The following ASPH variants were observed in gnomAD, a reference collection of about 807,000 sequenced individuals.
The protein encoded by ASPH is aspartate beta-hydroxylase.
ASPH carries 100 observed loss-of-function variants against 118.4 expected under a neutral mutation model. That is an observed-to-expected ratio of 0.84 (90% CI 0.72 to 1.00). ASPH has a LOEUF of 1.00. ASPH is among the 50% of genes least tolerant of loss of function. ASPH has a pLI of 0.00. For missense variants in ASPH, 920 were observed against 919.5 expected (o/e 1.00, Z -0.01); for synonymous variants, 315 against 325.6 (o/e 0.97, Z 0.35).
At chr8:61,540,724 G>A (rs1240456364) in intron 21 of ASPH, among the ~76,000 whole-genome samples, 1 of 152,162 alleles carries the variant, frequency 6.6e-6, no homozygotes, top group African/African-American at 2.4e-5. Flanking sequence ...ATTTTACTGA[G>A]CACTGTCCCC....
chr8:61,701,487 C>A (rs571269617), intron 1 of ASPH, among the ~76,000 whole-genome samples: 1 of 152,182 alleles, frequency 6.6e-6, no homozygotes, highest in Non-Finnish European at 1.5e-5. Flanking sequence ...AAAATAAATA[C>A]AAGGGGCTTA....
chr8:61,542,821 T>C (rs1442002925), intron 21 of ASPH, among the ~76,000 whole-genome samples: 1 of 152,130 alleles, frequency 6.6e-6, no homozygotes, highest in Non-Finnish European at 1.5e-5. Flanking sequence ...TTTTTATATA[T>C]CTGGAAATGT....
At chr8:61,523,187 C>T (rs951218383) in intron 22 of ASPH, among the ~76,000 whole-genome samples, 2 of 152,108 alleles carry the variant, frequency 1.3e-5, no homozygotes, top group Non-Finnish European at 1.5e-5. Context: ...CTATGACGTC[C>T]GCCCCTGTCC....
At chr8:61,550,078 T>C (rs2130964626) in intron 20 of ASPH, among the ~76,000 whole-genome samples, 1 of 152,260 alleles carries the variant, frequency 6.6e-6, no homozygotes, top group African/African-American at 2.4e-5. Context: ...AGAAACAAAA[T>C]TGTGAAAGTG....
Position 61,500,845 on chromosome 8 carries a change from G to GAGTT in ASPH, c.*2510_*2513dup, listed in dbSNP as rs148048456. On this transcript the variant is annotated 3_prime_UTR_variant, in exon 25 of 25. Coordinates refer to ENST00000379454, the MANE Select transcript of ASPH (RefSeq NM_004318.4). ...TTTACATTATTTTAAATATTTGGGA[G>GAGTT]AGTTAATTTGTTAGCTAAATAATTC... 280 of 152,264 alleles carry GAGTT rather than the reference G, an allele frequency of 1.8e-3. 3 individuals carry two copies. The highest frequency in any genetic ancestry group is 6.8e-3 in the Middle Eastern group (2 of 294). The allele number at this position is 152,264 out of a possible 1,614,324, so 9.4% of individuals were successfully genotyped here. A position where few individuals can be genotyped will look rare whatever the true frequency, so the allele number is the denominator to read the frequency against.
chr8:61,711,481 GA>G (rs1351696189), intron 1 of ASPH, among the ~76,000 whole-genome samples: 1 of 151,366 alleles, frequency 6.6e-6, no homozygotes, highest in East Asian at 1.9e-4. Flanking sequence ...GAGTAAAACT[GA>G]AAAAAAAGTA....
intron 3 of ASPH, chr8:61,656,858 A>C (rs1342331317): frequency 6.6e-6 from 1 of 152,206 alleles, no homozygotes; most frequent in South Asian, 2.1e-4. Flanking sequence ...GGATTAGCTT[A>C]CTTTATTCAC....
At chr8:61,620,772 C>T (rs1850636480) in intron 13 of ASPH, among the ~76,000 whole-genome samples, 1 of 152,202 alleles carries the variant, frequency 6.6e-6, no homozygotes, top group African/African-American at 2.4e-5. Context: ...CCAGTCATTG[C>T]ATAAGGCTAA....
intron 1 of ASPH, chr8:61,687,599 C>G (rs1184224714): frequency 2.0e-5 from 3 of 152,154 alleles, no homozygotes; most frequent in Admixed American, 6.5e-5. Context: ...GTCAGAAAAG[C>G]TGAGTGGTGG....
At chr8:61,599,792 G>A (rs1455911668) in intron 14 of ASPH, among the ~76,000 whole-genome samples, 1 of 151,656 alleles carries the variant, frequency 6.6e-6, no homozygotes, top group Non-Finnish European at 1.5e-5. Context: ...ACAAAGAAAA[G>A]CCTAGGACCA....
chr8:61,606,451 A>G (rs1845596610), intron 14 of ASPH: 1 of 152,230 alleles, frequency 6.6e-6, no homozygotes, highest in Admixed American at 6.5e-5. Context: ...AAGGCATCAC[A>G]CTGTATAAAT....
At chr8:61,520,061 A>T (rs1470743160) in intron 22 of ASPH, among the ~76,000 whole-genome samples, 1 of 152,188 alleles carries the variant, frequency 6.6e-6, no homozygotes, top group Non-Finnish European at 1.5e-5. Flanking sequence ...TTGGACTTCA[A>T]TGTCTTTTCC....
chr8:61,568,904 G>T (rs1348689417), intron 16 of ASPH, among the ~76,000 whole-genome samples: 1 of 152,154 alleles, frequency 6.6e-6, no homozygotes, highest in Admixed American at 6.5e-5. Context: ...CTGGCAGAGG[G>T]TAATGTGCAG....
At chr8:61,509,433 C>T (rs1271902905) in intron 24 of ASPH, among the ~76,000 whole-genome samples, 1 of 152,180 alleles carries the variant, frequency 6.6e-6, no homozygotes, top group Non-Finnish European at 1.5e-5. Flanking sequence ...GCCATGGCAT[C>T]TGTAAACTGT....
chr8:61,653,497 A>G (rs750909934), intron 4 of ASPH, 71 bp downstream of exon 4: 13 of 1,436,664 alleles, frequency 9.0e-6, no homozygotes, highest in Non-Finnish European at 1.2e-5. Flanking sequence ...GTAAAACGTG[A>G]TTCTGTAAAT....
intron 18 of ASPH, among the ~76,000 whole-genome samples, chr8:61,562,294 A>AGTT (rs1830207830): frequency 1.1e-5 from 1 of 88,668 alleles, no homozygotes; most frequent in East Asian, 3.2e-4. Flanking sequence ...GCTGAAAAGT[A>AGTT]ATTTATGTCA....
intron 24 of ASPH, among the ~76,000 whole-genome samples, chr8:61,515,332 C>A (rs186670430): frequency 6.6e-6 from 1 of 152,140 alleles, no homozygotes; most frequent in Non-Finnish European, 1.5e-5. Flanking sequence ...AGACCCAAAC[C>A]GAGTTCCCAG....
intron 1 of ASPH, among the ~76,000 whole-genome samples, chr8:61,711,289 C>T (rs1838001386): frequency 6.6e-6 from 1 of 152,030 alleles, no homozygotes; most frequent in Admixed American, 6.5e-5. Context: ...GAAAACATTA[C>T]ACATACGAGT....
At chr8:61,584,127 T>TTTGGTGGAGA in intron 14 of ASPH, 98 bp from the exon 15 acceptor site, 2 of 732,564 alleles carry the variant, frequency 2.7e-6, no homozygotes, top group Non-Finnish European at 4.3e-6. Flanking sequence ...GATGCTGGTC[T>TTTGGTGGAGA]CCACCAAAGA....
Sources: allele counts gnomAD v4.1 joint callset (sites outside exome capture counted in the v4.1 genomes callset), GRCh38; gene constraint gnomAD v4.1.1; transcripts MANE v1.5; gene names NCBI Gene and HGNC (gene_info 2026-07-23, HGNC 2026-07-21).